The following ARHGEF33 variants were observed in gnomAD, a reference collection of about 807,000 sequenced individuals.
ARHGEF33 encodes the protein Rho guanine nucleotide exchange factor 33, also known as DH and coiled-coil domain-containing protein ENSP00000381780.
A neutral mutation model predicts 101.9 loss-of-function variants in ARHGEF33; 72 were observed. That is an observed-to-expected ratio of 0.71 (90% CI 0.58 to 0.86). The LOEUF (loss-of-function observed/expected upper bound fraction) is 0.86. Ranked by LOEUF, ARHGEF33 falls within the 40% of genes least tolerant of loss-of-function variation. ARHGEF33 has a pLI of 0.00. For missense variants in ARHGEF33, 1,169 were observed against 1,111.3 expected (o/e 1.05, Z -0.74); for synonymous variants, 499 against 442.5 (o/e 1.13, Z -1.60).
intron 4 of ARHGEF33, among the ~76,000 whole-genome samples, chr2:38,928,521 G>C (rs1304097374): frequency 6.6e-6 from 1 of 152,134 alleles, no homozygotes; most frequent in Non-Finnish European, 1.5e-5. Context: ...TAACCAGAGA[G>C]AATATGACCC....
At chr2:38,929,461 A>C (rs970441791) in intron 5 of ARHGEF33, among the ~76,000 whole-genome samples, 4 of 151,950 alleles carry the variant, frequency 2.6e-5, no homozygotes, top group Admixed American at 1.3e-4. Context: ...GCGTTTTTCC[A>C]TAGCAGCCAA....
rs1430599375 is a variant in ARHGEF33, at chr2:38,929,738, C to T, written c.270C>T (p.Ile90=). 6.4e-6 allele frequency: 10 copies of T among 1,551,844 alleles called. No homozygotes were observed. Among genetic ancestry groups the T allele is most frequent in the Middle Eastern group, 1.7e-4 (1 of 5,988 alleles). The change falls in exon 6 of 18, where the codon ATC becomes ATT. Residue 90 remains isoleucine (I), a synonymous_variant. Coordinates refer to ENST00000409978, the MANE Select transcript of ARHGEF33 (RefSeq NM_001145451.5). ...KEELSNAMSM[I]QAITSKQEEM... ...AGCTGAGCAATGCCATGTCGATGATCCAAGCCATCACTTCCAAACAAGAAG... is the reference window on the plus strand; with the variant it reads ...AGCTGAGCAATGCCATGTCGATGATTCAAGCCATCACTTCCAAACAAGAAG...
chr2:38,936,838 T>G (rs1002628779), intron 8 of ARHGEF33: 3 of 151,320 alleles, frequency 2.0e-5, no homozygotes, highest in Non-Finnish European at 4.4e-5. Context: ...TAGCTGGGCG[T>G]GGTGGCACAC....
chr2:38,916,488 A>G (rs1666637613), intron 2 of ARHGEF33, among the ~76,000 whole-genome samples: 2 of 152,230 alleles, frequency 1.3e-5, no homozygotes, highest in South Asian at 4.1e-4. Context: ...TGCTAAGGAG[A>G]AGAAAGTTTT....
chr2:38,896,077 T>A (rs575923189), intron 2 of ARHGEF33, among the ~76,000 whole-genome samples: 10 of 152,326 alleles, frequency 6.6e-5, no homozygotes, highest in African/African-American at 2.4e-4. Context: ...TACATCAGAC[T>A]TGATTGCGTA....
chr2:38,943,968 G>C lies in ARHGEF33; in HGVS notation c.858G>C (p.Leu286=), dbSNP rs774745674. The change falls in exon 10 of 18, where the codon CTG becomes CTC. Residue 286 remains leucine (L), a synonymous_variant. Transcript: ENST00000409978. The part of the protein sequence containing the change: ...SERKYVINIS[L]ILKIKATFQG... ...GAAAATATGTCATTAACATCTCTCT[G>C]ATCTTGAAGATAAAAGCCACATTCC... 2.1e-5 allele frequency: 33 copies of C among 1,551,514 alleles called. No individual in the cohort carries two copies. Among genetic ancestry groups the C allele is most frequent in the Middle Eastern group, 1.7e-4 (1 of 6,010 alleles).
chr2:38,945,142 C>T (rs900082108), intron 10 of ARHGEF33, among the ~76,000 whole-genome samples: 6 of 152,168 alleles, frequency 3.9e-5, no homozygotes, highest in African/African-American at 1.2e-4. Flanking sequence ...CTACTGTGGA[C>T]ATATGTGGCA....
At chr2:38,944,366 T>C (rs1171779533) in intron 10 of ARHGEF33, among the ~76,000 whole-genome samples, 1 of 152,176 alleles carries the variant, frequency 6.6e-6, no homozygotes, top group Non-Finnish European at 1.5e-5. Flanking sequence ...CAGCCTTACA[T>C]GGCAGAAGAT....
rs1666708872 is a variant in ARHGEF33 at position 38,919,469 on chromosome 2, C to G, written c.22C>G (p.Gln8Glu). 2.6e-6 allele frequency: 4 copies of G among 1,551,780 alleles called. No homozygotes were observed. Among genetic ancestry groups the G allele is most frequent in the Non-Finnish European group, 3.5e-6 (4 of 1,146,900 alleles). MEKTKTK[Q>E]GENEHMPVNN... Reference sequence around the variant, plus strand: ...CACTATGGAAAAAACCAAAACAAAGCAAGGTCAGATTTTTCCTATGTCTTG... The same window carrying G: ...CACTATGGAAAAAACCAAAACAAAGGAAGGTCAGATTTTTCCTATGTCTTG... Residue 8 changes from glutamine (Q) to glutamate (E), a missense_variant, in exon 3 of 18, where the codon CAA becomes GAA. Coordinates refer to ENST00000409978, the MANE Select transcript of ARHGEF33 (RefSeq NM_001145451.5).
chr2:38,959,683 C>T (rs1358110503), intron 15 of ARHGEF33, 158 bp from the exon 16 acceptor site: 15 of 754,494 alleles, frequency 2.0e-5, no homozygotes, highest in Non-Finnish European at 3.1e-5. Flanking sequence ...CGCCTGGGAA[C>T]GGGGGTTCGT....
chr2:38,905,054 G>T (rs903432077), intron 2 of ARHGEF33, among the ~76,000 whole-genome samples: 9 of 152,172 alleles, frequency 5.9e-5, no homozygotes, highest in African/African-American at 2.2e-4. Flanking sequence ...GGAACCTGAA[G>T]GGGGAGCCTG....
At chr2:38,963,494 T>C (rs1667990154) in intron 16 of ARHGEF33, among the ~76,000 whole-genome samples, 1 of 152,224 alleles carries the variant, frequency 6.6e-6, no homozygotes, top group African/African-American at 2.4e-5. Context: ...TTGGCTTCTC[T>C]GTGCCTCCAG....
chr2:38,900,356 C>G (rs898173719), intron 2 of ARHGEF33, among the ~76,000 whole-genome samples: 2 of 151,842 alleles, frequency 1.3e-5, no homozygotes, highest in Non-Finnish European at 2.9e-5. Flanking sequence ...TGAACTGAGC[C>G]CTGAAAATGA....
intron 2 of ARHGEF33, among the ~76,000 whole-genome samples, chr2:38,909,800 G>C (rs1666470367): frequency 6.7e-6 from 1 of 149,390 alleles, no homozygotes; most frequent in Admixed American, 6.7e-5. Context: ...CATATTGTGA[G>C]AATTGTCTTA....
At chr2:38,970,221 A>G (rs560803375) in intron 17 of ARHGEF33, among the ~76,000 whole-genome samples, 138 of 152,236 alleles carry the variant, frequency 9.1e-4, no homozygotes, top group African/African-American at 3.3e-3. Context: ...TAATCCCATC[A>G]CTGTCTATTT....
chr2:38,917,666 C>T (rs1666666294), intron 2 of ARHGEF33, among the ~76,000 whole-genome samples: 1 of 151,082 alleles, frequency 6.6e-6, no homozygotes, highest in South Asian at 2.1e-4. Context: ...CCTGTCTCTA[C>T]AAAAATAAAA....
chr2:38,965,267 A>T (rs574512237), intron 16 of ARHGEF33, among the ~76,000 whole-genome samples: 1 of 152,356 alleles, frequency 6.6e-6, no homozygotes, highest in Admixed American at 6.5e-5. Flanking sequence ...ATAAACATGT[A>T]TATAAGTGCA....
chr2:38,954,471 G>A lies in ARHGEF33; in HGVS notation c.1221+15G>A, dbSNP rs747584232. The A allele has an allele frequency of 6.6e-7, 1 of 1,508,294 alleles. No homozygotes were observed. Among genetic ancestry groups the A allele is most frequent in the Non-Finnish European group, 9.0e-7 (1 of 1,107,638 alleles). The allele number at this position is 1,508,294 out of a possible 1,614,324, so 93.4% of individuals were successfully genotyped here. A position where few individuals can be genotyped will look rare whatever the true frequency, so the allele number is the denominator to read the frequency against. On this transcript the variant is annotated intron_variant, in intron 13 of 17. Transcript: ENST00000409978. Reference sequence around the variant, plus strand: ...TACATCTGCAGGTAGGCATGGGTGGGAAAGCCACCAAACTGATTTGCATGC... The same window carrying A: ...TACATCTGCAGGTAGGCATGGGTGGAAAAGCCACCAAACTGATTTGCATGC...
intron 10 of ARHGEF33, among the ~76,000 whole-genome samples, chr2:38,949,155 C>G (rs900590347): frequency 6.6e-6 from 1 of 152,138 alleles, no homozygotes; most frequent in Non-Finnish European, 1.5e-5. Flanking sequence ...TGAAAAAAAC[C>G]TCCTCTCGAT....
Sources: allele counts gnomAD v4.1 joint callset (sites outside exome capture counted in the v4.1 genomes callset), GRCh38; gene constraint gnomAD v4.1.1; transcripts MANE v1.5; gene names NCBI Gene and HGNC (gene_info 2026-07-23, HGNC 2026-07-21).